The following PLEKHG7 variants were observed in gnomAD, a reference collection of about 807,000 sequenced individuals.
The protein encoded by PLEKHG7 is pleckstrin homology and RhoGEF domain containing G7, also known as pleckstrin homology domain-containing family G member 7.
PLEKHG7 carries 77 observed loss-of-function variants against 85.2 expected under a neutral mutation model. The observed-to-expected ratio is 0.90, with a 90% confidence interval of 0.75 to 1.09. The LOEUF (loss-of-function observed/expected upper bound fraction) is 1.09. Among genes scored for constraint, PLEKHG7 ranks in the 50% least tolerant of loss-of-function variants. PLEKHG7 has a pLI of 0.00. For missense variants in PLEKHG7, 777 were observed against 804.3 expected (o/e 0.97, Z 0.41); for synonymous variants, 301 against 302.4 (o/e 1.00, Z 0.05).
chr12:92,715,428 A>T (rs1871457662), intron 3 of PLEKHG7, among the ~76,000 whole-genome samples: 1 of 152,164 alleles, frequency 6.6e-6, no homozygotes, highest in Admixed American at 6.5e-5. Context: ...TCAAGTTGAT[A>T]CTCAGTATTA....
chr12:92,752,999 C>G (rs1348786919), intron 10 of PLEKHG7, among the ~76,000 whole-genome samples: 1 of 152,162 alleles, frequency 6.6e-6, no homozygotes, highest in African/African-American at 2.4e-5. Context: ...TGCTCATGGC[C>G]TAATCACCTC....
chr12:92,761,810 G>A lies in PLEKHG7; in HGVS notation c.1695G>A (p.Thr565=), dbSNP rs759980322. Residue 565 remains threonine (T), a synonymous_variant, in exon 14 of 17, where the codon ACG becomes ACA. Transcript: ENST00000344636. Reference sequence around the variant, plus strand: ...TCTTCAATGATTTCCTCTTAGTTACGAAAACTAAGTGCAACAAAAAGGTAA... The same window carrying A: ...TCTTCAATGATTTCCTCTTAGTTACAAAAACTAAGTGCAACAAAAAGGTAA... The part of the protein sequence containing the change: ...LFLFNDFLLV[T]KTKCNKKKLG... The A allele has an allele frequency of 7.4e-5, 116 of 1,575,638 alleles. No individual in the cohort carries two copies. Among genetic ancestry groups the A allele is most frequent in the Middle Eastern group, 3.4e-4 (2 of 5,962 alleles).
chr12:92,722,116 C>T lies in PLEKHG7; in HGVS notation c.531-6877C>T, dbSNP rs116579332. Among the ~76,000 whole-genome samples the T allele has an allele frequency of 8.4e-3, 1,268 of 151,842 alleles. 16 individuals are homozygous for T. Among genetic ancestry groups the T allele is most frequent in the African/African-American group, 0.028 (1,154 of 41,390 alleles). ...GAACAGCCAAAAGAAGATACCAGTT[C>T]GGATACACACTGCACCCACCGTGAG... On this transcript the variant is annotated intron_variant, in intron 3 of 16. Coordinates refer to ENST00000344636, the MANE Select transcript of PLEKHG7 (RefSeq NM_001377329.1).
intron 15 of PLEKHG7, 46 bp from the exon 16 acceptor site, chr12:92,768,937 C>A: frequency 7.5e-7 from 1 of 1,328,032 alleles, no homozygotes; most frequent in African/African-American, 1.5e-5. Context: ...GTTTGGATTT[C>A]ATATGAAATG....
intron 11 of PLEKHG7, among the ~76,000 whole-genome samples, chr12:92,754,775 G>A (rs113073146): frequency 0.017 from 2,561 of 152,222 alleles, 70 homozygotes; most frequent in African/African-American, 0.057. Flanking sequence ...GTTTATTTGT[G>A]TAACTCTGTA....
intron 1 of PLEKHG7, among the ~76,000 whole-genome samples, chr12:92,705,518 A>G (rs76969550): frequency 1.8e-3 from 279 of 152,382 alleles, no homozygotes; most frequent in African/African-American, 6.6e-3. Flanking sequence ...TGATAAACTT[A>G]CTAAAACTAT....
chr12:92,750,800 A>G (rs1051676891), intron 10 of PLEKHG7, among the ~76,000 whole-genome samples: 4 of 152,042 alleles, frequency 2.6e-5, no homozygotes, highest in Admixed American at 2.0e-4. Flanking sequence ...GCCAACCTCA[A>G]TGAGAACCAC....
At chr12:92,741,693 T>A (rs748130282) in intron 9 of PLEKHG7, 101 bp downstream of exon 9, 3 of 751,148 alleles carry the variant, frequency 4.0e-6, no homozygotes, top group Non-Finnish European at 6.2e-6. Flanking sequence ...CCTGGGAAAG[T>A]TCTACCTCCA....
At position 92,761,655 on chromosome 12, in the gene PLEKHG7, A is replaced by AAAGAAAG. The variant is rs938846228; in HGVS notation, c.1637-94_1637-88dup. On this transcript the variant is annotated intron_variant, in intron 13 of 16. Transcript: ENST00000344636. ...GAAAGAAAGAAAGAAAGAAAGAAAG[A>AAAGAAAG]AAGAAAGAAAGAAAGAAAGAAAGAA... The AAAGAAAG allele has an allele frequency of 1.3e-5, 16 of 1,214,820 alleles. 1 individual carries two copies. The highest frequency in any genetic ancestry group is 1.7e-5 in the African/African-American group (1 of 58,950). The allele number at this position is 1,214,820 out of a possible 1,614,324, so 75.3% of individuals were successfully genotyped here. A position where few individuals can be genotyped will look rare whatever the true frequency, so the allele number is the denominator to read the frequency against.
chr12:92,711,340 G>T (rs1027844961), intron 3 of PLEKHG7, among the ~76,000 whole-genome samples: 1 of 152,192 alleles, frequency 6.6e-6, no homozygotes. Flanking sequence ...CATTGGTGCA[G>T]ACTGGGGGAG....
At chr12:92,755,048 A>C (rs980522802) in intron 11 of PLEKHG7, among the ~76,000 whole-genome samples, 1 of 152,214 alleles carries the variant, frequency 6.6e-6, no homozygotes, top group African/African-American at 2.4e-5. Context: ...TAAGTTTATC[A>C]AGCAAGTAAG....
intron 16 of PLEKHG7, 21 bp downstream of exon 16, chr12:92,769,101 G>A: frequency 1.3e-6 from 2 of 1,487,736 alleles, no homozygotes; most frequent in Non-Finnish European, 1.9e-6. Flanking sequence ...TAATTTTGTA[G>A]GTCTTTGATT....
rs1209662595 is a variant in PLEKHG7, at chr12:92,745,520, C to T, written c.1180C>T (p.Leu394=). Reference sequence around the variant, plus strand: ...CTGTCAGAGCCACCAGACCTACTGCCTGAACTATTCAGCTGCTATCTTTTA... The same window carrying T: ...CTGTCAGAGCCACCAGACCTACTGCTTGAACTATTCAGCTGCTATCTTTTA... The part of the protein sequence containing the change: ...SLCQSHQTYC[L]NYSAAIFYLE... The change falls in exon 10 of 17, where the codon CTG becomes TTG. Residue 394 remains leucine (L), a synonymous_variant. Coordinates refer to ENST00000344636, the MANE Select transcript of PLEKHG7 (RefSeq NM_001377329.1). The T allele has an allele frequency of 6.2e-7, 1 of 1,614,028 alleles. No individual in the cohort carries two copies. Among genetic ancestry groups the T allele is most frequent in the South Asian group, 1.1e-5 (1 of 91,076 alleles).
rs74784157 is a variant in PLEKHG7, at chr12:92,754,125, C to T, written c.1287C>T (p.His429=). The T allele has an allele frequency of 0.056, 89,915 of 1,613,836 alleles. 2,786 individuals are homozygous for T. Among genetic ancestry groups the T allele is most frequent in the Middle Eastern group, 0.082 (499 of 6,058 alleles). Residue 429 remains histidine, a synonymous_variant, in exon 11 of 17, where the codon CAC becomes CAT. Transcript: ENST00000344636. ...AGAATGAACAATGCAGACGGCTCCA[C>T]GTGCCAGAGCTGCTAGTGGCCCCAC... is the stretch of plus-strand genomic sequence containing the variant. ...CEQNEQCRRL[H]VPELLVAPLQ...
chr12:92,722,129 C>A (rs142073772), intron 3 of PLEKHG7, among the ~76,000 whole-genome samples: 2 of 152,102 alleles, frequency 1.3e-5, no homozygotes, highest in East Asian at 3.9e-4. Context: ...ATACACACTG[C>A]ACCCACCGTG....
At chr12:92,721,119 G>A (rs747150492) in intron 3 of PLEKHG7, among the ~76,000 whole-genome samples, 15 of 152,292 alleles carry the variant, frequency 9.8e-5, no homozygotes, top group Admixed American at 5.9e-4. Flanking sequence ...TGTAAAGCAC[G>A]TAACAAAGTG....
intron 10 of PLEKHG7, among the ~76,000 whole-genome samples, chr12:92,751,050 T>C (rs903229923): frequency 2.6e-5 from 4 of 152,216 alleles, no homozygotes; most frequent in Non-Finnish European, 5.9e-5. Context: ...TCATGTGGTA[T>C]GAAGGGTAAA....
intron 3 of PLEKHG7, among the ~76,000 whole-genome samples, chr12:92,722,454 T>C (rs1429176261): frequency 1.3e-5 from 2 of 152,226 alleles, no homozygotes; most frequent in African/African-American, 4.8e-5. Flanking sequence ...GAAATTTTGT[T>C]ATGCCCTTCC....
intron 3 of PLEKHG7, among the ~76,000 whole-genome samples, chr12:92,720,301 G>A (rs913100429): frequency 6.0e-5 from 9 of 150,522 alleles, no homozygotes; most frequent in Admixed American, 4.0e-4. Context: ...TTCTCTCTTC[G>A]CTGTGTCTCT....
Sources: allele counts gnomAD v4.1 joint callset (sites outside exome capture counted in the v4.1 genomes callset), GRCh38; gene constraint gnomAD v4.1.1; transcripts MANE v1.5; gene names NCBI Gene and HGNC (gene_info 2026-07-23, HGNC 2026-07-21).